Variants in CCR5AS observed in about 807,000 individuals in gnomAD.
CCR5AS encodes CCR5 antisense RNA.
intron 2 of CCR5AS, among the ~76,000 whole-genome samples, chr3:46,387,652 G>T (rs1471320541): frequency 2.0e-5 from 3 of 152,222 alleles, no homozygotes; most frequent in Non-Finnish European, 4.4e-5. Flanking sequence ...AGGAGGCAGA[G>T]AAGGAGGATT....
intron 2 of CCR5AS, among the ~76,000 whole-genome samples, chr3:46,389,071 C>A (rs1352374838): frequency 4.6e-5 from 7 of 152,062 alleles, no homozygotes; most frequent in South Asian, 2.1e-4. Flanking sequence ...GTGGAGATGA[C>A]AAATTTTGGG....
intron 2 of CCR5AS, among the ~76,000 whole-genome samples, chr3:46,391,630 G>T (rs538861938): frequency 6.6e-6 from 1 of 152,274 alleles, no homozygotes; most frequent in Admixed American, 6.5e-5. Context: ...AGAAAAAGGA[G>T]CATTAACCTT....
In CCR5AS at chr3:46,384,563, A is replaced by C. The variant is rs538412057; in HGVS notation, n.391+8262T>G. Among the ~76,000 whole-genome samples the C allele has an allele frequency of 2.5e-3, 387 of 152,272 alleles. 2 individuals are homozygous for C. Among genetic ancestry groups the C allele is most frequent in the African/African-American group, 8.7e-3 (361 of 41,552 alleles). ...CCTTACCAAGGTTAAAAAGAAAAAAATTTCTTTTTAATGCCTATGTTACTG... is the reference window on the plus strand; with the variant it reads ...CCTTACCAAGGTTAAAAAGAAAAAACTTTCTTTTTAATGCCTATGTTACTG... On this transcript the variant is annotated intron_variant and non_coding_transcript_variant, in intron 2 of 3. Transcript: ENST00000451485.
chr3:46,403,063 A>T (rs1315035377), intron 1 of CCR5AS, among the ~76,000 whole-genome samples: 1 of 152,272 alleles, frequency 6.6e-6, no homozygotes, highest in Non-Finnish European at 1.5e-5. Flanking sequence ...TCCACAAAAA[A>T]ACATGATCTC....
At chr3:46,395,874 G>T (rs977295259) in intron 1 of CCR5AS, among the ~76,000 whole-genome samples, 2 of 152,178 alleles carry the variant, frequency 1.3e-5, no homozygotes, top group East Asian at 1.9e-4. Flanking sequence ...TTTCCAGAAG[G>T]TGTGGCTGAG....
chr3:46,373,537 T>C (rs1701701866), intron 2 of CCR5AS: 2 of 1,613,376 alleles, frequency 1.2e-6, no homozygotes, highest in East Asian at 2.2e-5. Context: ...GTCATGGTCA[T>C]CTGCTACTCG....
intron 2 of CCR5AS, among the ~76,000 whole-genome samples, chr3:46,384,586 C>T (rs1701842499): frequency 6.6e-6 from 1 of 152,128 alleles, no homozygotes; most frequent in Non-Finnish European, 1.5e-5. Flanking sequence ...GCCTATGTTA[C>T]TGTGAACAGT....
At chr3:46,383,695 G>C (rs551077764) in intron 2 of CCR5AS, among the ~76,000 whole-genome samples, 1 of 152,120 alleles carries the variant, frequency 6.6e-6, no homozygotes, top group African/African-American at 2.4e-5. Context: ...AGAGGAAACT[G>C]GGCAGAGCTT....
intron 2 of CCR5AS, among the ~76,000 whole-genome samples, chr3:46,378,075 G>T (rs915279344): frequency 6.6e-6 from 1 of 152,192 alleles, no homozygotes; most frequent in African/African-American, 2.4e-5. Context: ...CTTATTGTCA[G>T]AGTACGTGGA....
chr3:46,394,724 A>G (rs1161567357), intron 1 of CCR5AS, among the ~76,000 whole-genome samples: 2 of 152,186 alleles, frequency 1.3e-5, no homozygotes, highest in Non-Finnish European at 2.9e-5. Flanking sequence ...ACAGGAATGG[A>G]GGAATTTCTG....
intron 2 of CCR5AS, among the ~76,000 whole-genome samples, chr3:46,380,095 T>C (rs1575282623): frequency 6.6e-6 from 1 of 152,054 alleles, no homozygotes; most frequent in South Asian, 2.1e-4. Flanking sequence ...GTTGAAAAAG[T>C]GGCCTAAAAC....
At chr3:46,382,973 A>C (rs917043854) in intron 2 of CCR5AS, among the ~76,000 whole-genome samples, 5 of 152,194 alleles carry the variant, frequency 3.3e-5, no homozygotes, top group African/African-American at 1.2e-4. Context: ...AGGGCTTAAC[A>C]CAGTGCCTGG....
chr3:46,373,260 A>C (rs370409212), intron 2 of CCR5AS: 1 of 1,614,038 alleles, frequency 6.2e-7, no homozygotes, highest in Non-Finnish European at 8.5e-7. Flanking sequence ...CTTCTTCATC[A>C]TCCTCCTGAC....
At chr3:46,397,756 A>G (rs1701973426) in intron 1 of CCR5AS, among the ~76,000 whole-genome samples, 1 of 152,254 alleles carries the variant, frequency 6.6e-6, no homozygotes, top group African/African-American at 2.4e-5. Flanking sequence ...AAAGCTGGGT[A>G]GAGAGTGGAG....
intron 1 of CCR5AS, among the ~76,000 whole-genome samples, chr3:46,405,211 A>G (rs1307900584): frequency 6.6e-6 from 1 of 152,224 alleles, no homozygotes; most frequent in Non-Finnish European, 1.5e-5. Context: ...CAAAAATAAA[A>G]TAATACTGAA....
At chr3:46,373,870 G>A (rs534677585) in intron 2 of CCR5AS, 2 of 1,613,596 alleles carry the variant, frequency 1.2e-6, no homozygotes. Context: ...TTCTGCAAAT[G>A]CTGTTCTATT....
rs141067618 is a variant in CCR5AS, at chr3:46,377,016, G to C, written n.392-5599C>G. ...TAGGGTAAAAGGTAGAATGAACCAA[G>C]GAAGGGCAGGAGGGGGCTGGGGTTA... On this transcript the variant is annotated intron_variant and non_coding_transcript_variant, in intron 2 of 3. Coordinates refer to ENST00000451485, the Ensembl canonical transcript of CCR5AS. Among the ~76,000 whole-genome samples, 1,421 of 152,284 alleles carry C rather than the reference G, an allele frequency of 9.3e-3. 55 individuals carry two copies. The highest frequency in any genetic ancestry group is 0.064 in the Admixed American group (984 of 15,284).
At chr3:46,386,847 T>C (rs1283232770) in intron 2 of CCR5AS, among the ~76,000 whole-genome samples, 1 of 152,318 alleles carries the variant, frequency 6.6e-6, no homozygotes, top group East Asian at 1.9e-4. Flanking sequence ...AGTTATATGA[T>C]GTTTAGACTC....
intron 2 of CCR5AS, chr3:46,373,295 C>A: frequency 6.2e-7 from 1 of 1,614,142 alleles, no homozygotes; most frequent in South Asian, 1.1e-5. Context: ...TGGCTGTCGT[C>A]CATGCTGTGT....
Sources: gnomAD v4.1 joint callset for allele counts (sites outside exome capture counted in the v4.1 genomes callset) on GRCh38, gnomAD v4.1.1 for gene constraint, MANE v1.5 for transcripts, NCBI Gene and HGNC (gene_info 2026-07-23, HGNC 2026-07-21) for gene names.